FSTL4: variants seen among roughly 807,000 people sequenced by gnomAD.
FSTL4 encodes the protein follistatin-related protein 4.
A neutral mutation model predicts 78.2 loss-of-function variants in FSTL4; 28 were observed. The ratio of observed to expected loss-of-function variants is 0.36; its 90% CI spans 0.27 to 0.49. The LOEUF (loss-of-function observed/expected upper bound fraction) is 0.49, where lower values mean the gene tolerates loss of function less well. Among genes scored for constraint, FSTL4 ranks in the 20% least tolerant of loss-of-function variants. The pLI is 0.98. For synonymous variants in FSTL4, 422 were observed against 440.5 expected (o/e 0.96, Z 0.53); for missense variants, 922 against 1,084.9 (o/e 0.85, Z 2.11).
At chr5:133,415,197 G>A (rs1018541123) in intron 3 of FSTL4, among the ~76,000 whole-genome samples, 6 of 151,370 alleles carry the variant, frequency 4.0e-5, no homozygotes, top group African/African-American at 9.7e-5. Flanking sequence ...CACAGTGTGG[G>A]TCTCGACCTA....
the FSTL4 span, among the ~76,000 whole-genome samples, chr5:133,623,862 T>C: frequency 2.6e-5 from 4 of 151,992 alleles, no homozygotes; most frequent in Non-Finnish European, 5.9e-5. Flanking sequence ...GGCTGAATAT[T>C]TGCATTAAGG....
chr5:133,636,762 AT>A, the FSTL4 span, among the ~76,000 whole-genome samples: 3 of 152,228 alleles, frequency 2.0e-5, no homozygotes, highest in Non-Finnish European at 4.4e-5. Context: ...CCTAGAGATG[AT>A]TTTAATAGAT....
At chr5:133,791,510 A>G in the FSTL4 span, among the ~76,000 whole-genome samples, 1 of 152,200 alleles carries the variant, frequency 6.6e-6, no homozygotes, top group Non-Finnish European at 1.5e-5. Context: ...CACAGAGGTC[A>G]CTCAGTAAAC....
chr5:133,450,397 G>A (rs573976548), intron 3 of FSTL4, among the ~76,000 whole-genome samples: 2 of 152,330 alleles, frequency 1.3e-5, no homozygotes, highest in South Asian at 4.1e-4. Flanking sequence ...CCTAATGGCT[G>A]GGGGAGGCTA....
intron 13 of FSTL4, among the ~76,000 whole-genome samples, 170 bp from the exon 14 acceptor site, chr5:133,210,468 GCATTATTATTAT>G (rs1750672654): frequency 8.4e-6 from 1 of 118,878 alleles, no homozygotes; most frequent in African/African-American, 3.4e-5. Context: ...TTTCTCAGAG[GCATTATTATTAT>G]TATTATTATT....
the FSTL4 span, among the ~76,000 whole-genome samples, chr5:133,650,542 A>G: frequency 6.6e-6 from 1 of 152,180 alleles, no homozygotes; most frequent in African/African-American, 2.4e-5. Context: ...TCCTAGCATC[A>G]TTTATTGAAG....
the FSTL4 span, among the ~76,000 whole-genome samples, chr5:133,685,417 G>A: frequency 0.34 from 51,767 of 152,126 alleles, 8,979 homozygotes; most frequent in South Asian, 0.39. Flanking sequence ...GAAAATCTCC[G>A]TCCATATAGC....
the FSTL4 span, among the ~76,000 whole-genome samples, chr5:133,830,418 A>G: frequency 2.6e-5 from 4 of 152,266 alleles, no homozygotes; most frequent in East Asian, 7.7e-4. Flanking sequence ...CACCGCATGG[A>G]GGAAGTGGGG....
intron 3 of FSTL4, among the ~76,000 whole-genome samples, chr5:133,523,163 C>G (rs778444747): frequency 1.3e-5 from 2 of 152,172 alleles, no homozygotes. Context: ...TCCCGGCATG[C>G]GTGCAGAGGA....
chr5:133,355,368 T>C (rs547242618), intron 4 of FSTL4, among the ~76,000 whole-genome samples: 1 of 152,292 alleles, frequency 6.6e-6, no homozygotes, highest in South Asian at 2.1e-4. Context: ...TAACAATGTC[T>C]AGTTTTGGGC....
At chr5:133,747,565 A>G in the FSTL4 span, among the ~76,000 whole-genome samples, 2 of 152,216 alleles carry the variant, frequency 1.3e-5, no homozygotes, top group Non-Finnish European at 2.9e-5. Flanking sequence ...TGAATCCAAC[A>G]TGAGGCTCCC....
intron 4 of FSTL4, among the ~76,000 whole-genome samples, chr5:133,372,560 T>C (rs1755336159): frequency 6.6e-6 from 1 of 152,012 alleles, no homozygotes; most frequent in Non-Finnish European, 1.5e-5. Context: ...TTAAAGGTAG[T>C]AAAAAGCCAA....
At chr5:133,290,600 A>G (rs1753239118) in intron 6 of FSTL4, among the ~76,000 whole-genome samples, 1 of 152,210 alleles carries the variant, frequency 6.6e-6, no homozygotes, top group African/African-American at 2.4e-5. Flanking sequence ...CCTGAATTTT[A>G]GCTCTAGGCA....
the FSTL4 span, among the ~76,000 whole-genome samples, chr5:133,744,753 G>A: frequency 6.6e-6 from 1 of 152,130 alleles, no homozygotes; most frequent in Non-Finnish European, 1.5e-5. Flanking sequence ...CACCCTTCCT[G>A]CTCACTGAAG....
chr5:133,603,301 G>C (rs912659109), intron 2 of FSTL4, among the ~76,000 whole-genome samples: 1 of 152,068 alleles, frequency 6.6e-6, no homozygotes, highest in Non-Finnish European at 1.5e-5. Flanking sequence ...TCTCCAGGGA[G>C]GTATTTGAGG....
chr5:133,365,796 G>A (rs1049288709), intron 4 of FSTL4, among the ~76,000 whole-genome samples: 67 of 152,370 alleles, frequency 4.4e-4, no homozygotes, highest in African/African-American at 1.6e-3. Context: ...GCTGAAGAGG[G>A]AGAATGGCCA....
intron 6 of FSTL4, among the ~76,000 whole-genome samples, chr5:133,281,585 A>G (rs1005434458): frequency 2.0e-5 from 3 of 152,054 alleles, no homozygotes; most frequent in South Asian, 4.2e-4. Context: ...GGACTCTTCT[A>G]TGATTTGGGC....
intron 6 of FSTL4, among the ~76,000 whole-genome samples, chr5:133,269,184 CAAA>C (rs869156118): frequency 8.5e-5 from 5 of 58,986 alleles, no homozygotes; most frequent in East Asian, 5.2e-4. Flanking sequence ...GACTCCATCT[CAAA>C]AAAAAAAAAA....
At chr5:133,468,272 C>T (rs1044046388) in intron 3 of FSTL4, among the ~76,000 whole-genome samples, 1 of 152,236 alleles carries the variant, frequency 6.6e-6, no homozygotes, top group Non-Finnish European at 1.5e-5. Flanking sequence ...CTGTGGGTGT[C>T]CCTGCCCCAG....
Sources: allele counts gnomAD v4.1 joint callset (sites outside exome capture counted in the v4.1 genomes callset), GRCh38; gene constraint gnomAD v4.1.1; transcripts MANE v1.5; gene names NCBI Gene and HGNC (gene_info 2026-07-23, HGNC 2026-07-21).